The following SLC25A36 variants were observed in gnomAD, a reference collection of about 807,000 sequenced individuals.
The protein encoded by SLC25A36 is epididymis secretory sperm binding protein.
A neutral mutation model predicts 35.3 loss-of-function variants in SLC25A36; 24 were observed. That is an observed-to-expected ratio of 0.68 (90% CI 0.49 to 0.96). SLC25A36 has a LOEUF of 0.96. SLC25A36 is among the 40% of genes least tolerant of loss of function. The probability of loss-of-function intolerance (pLI) is 0.00; values close to 1 mark genes in which losing one functional copy is unlikely to be tolerated. For synonymous variants in SLC25A36, 141 were observed against 132.2 expected (o/e 1.07, Z -0.46); for missense variants, 294 against 381.1 (o/e 0.77, Z 1.90).
intron 1 of SLC25A36, among the ~76,000 whole-genome samples, chr3:140,948,342 T>A (rs1041425341): frequency 2.6e-5 from 4 of 152,076 alleles, no homozygotes; most frequent in Non-Finnish European, 5.9e-5. Context: ...TATTTCTTTT[T>A]TTTTTCTTTT....
intron 4 of SLC25A36, chr3:140,964,287 TATTA>T (rs1934706175): frequency 6.6e-6 from 1 of 151,976 alleles, no homozygotes. Flanking sequence ...TTTTTGTATT[TATTA>T]ATTGTCAGTT....
intron 5 of SLC25A36, among the ~76,000 whole-genome samples, chr3:140,972,424 G>A (rs1028020234): frequency 2.0e-5 from 3 of 151,976 alleles, no homozygotes; most frequent in African/African-American, 7.3e-5. Context: ...GCTTTGAGAG[G>A]CCAGGGCAGG....
At position 140,942,070 on chromosome 3, in the gene SLC25A36, A is replaced by G; in HGVS notation, c.16A>G (p.Thr6Ala). The part of the protein sequence containing the change: MSQRD[T>A]LVHLFAGGCG... ...GGGAGAGAGAATGAGCCAGAGGGAC[A>G]CGCTGGTGCATCTGTTTGCCGGAGG... The change falls in exon 1 of 7, where the codon ACG (threonine) becomes GCG (alanine). Residue 6 changes from threonine to alanine, a missense_variant. Physicochemically the swap from Thr to Ala is moderately conservative, Grantham distance 58 (BLOSUM62 0). Transcript: ENST00000324194. 25 of 1,489,662 alleles carry G rather than the reference A, an allele frequency of 1.7e-5. No homozygotes were observed. The highest frequency in any genetic ancestry group is 2.3e-5 in the Non-Finnish European group (25 of 1,107,250). The allele number at this position is 1,489,662 out of a possible 1,614,324, so 92.3% of individuals were successfully genotyped here. A position where few individuals can be genotyped will look rare whatever the true frequency, so the allele number is the denominator to read the frequency against.
At position 140,976,588 on chromosome 3, in the gene SLC25A36, G is replaced by T. The variant is rs1270880748; in HGVS notation, c.*135G>T. ...AACTATTCTAAGTGGAAGTTTTGTT[G>T]TAGGAATTATAGTAATCACACCACA... On this transcript the variant is annotated 3_prime_UTR_variant, in exon 7 of 7. Coordinates refer to ENST00000324194, the MANE Select transcript of SLC25A36 (RefSeq NM_001104647.3). 5.0e-6 allele frequency: 3 copies of T among 603,990 alleles called. No homozygotes were observed. The East Asian group carries it at 1.0e-4, about 20-fold the overall frequency. 37.4% of individuals were successfully genotyped at this position (603,990 alleles called of 1,614,324 possible).
chr3:140,954,649 GTGTT>G (rs1350531136), intron 1 of SLC25A36, among the ~76,000 whole-genome samples: 1 of 152,134 alleles, frequency 6.6e-6, no homozygotes, highest in Non-Finnish European at 1.5e-5. Flanking sequence ...AGAATTCTGT[GTGTT>G]TATTTGCGTC....
intron 4 of SLC25A36, 178 bp downstream of exon 4, chr3:140,963,405 T>C (rs1164650447): frequency 2.0e-6 from 1 of 501,226 alleles, no homozygotes; most frequent in African/African-American, 2.0e-5. Flanking sequence ...TCAGTTGACA[T>C]TTTTGTAGTC....
intron 4 of SLC25A36, among the ~76,000 whole-genome samples, chr3:140,970,089 A>G (rs1430203644): frequency 2.6e-5 from 4 of 151,976 alleles, no homozygotes; most frequent in Non-Finnish European, 4.4e-5. Flanking sequence ...CAAGTAAAAC[A>G]TATGCACTAT....
intron 1 of SLC25A36, among the ~76,000 whole-genome samples, chr3:140,955,702 T>TTG (rs1434186605): frequency 6.6e-6 from 1 of 152,112 alleles, no homozygotes; most frequent in East Asian, 1.9e-4. Flanking sequence ...CCAATTTTTT[T>TTG]TCTTTTTTGA....
chr3:140,951,493 A>C (rs1319703695), intron 1 of SLC25A36, among the ~76,000 whole-genome samples: 2 of 151,918 alleles, frequency 1.3e-5, no homozygotes, highest in Admixed American at 1.3e-4. Flanking sequence ...TTATTTATTT[A>C]TTTTTTGAGA....
intron 3 of SLC25A36, among the ~76,000 whole-genome samples, chr3:140,961,855 CAAAAAAAAAAAAAAAAAA>C (rs553759457): frequency 8.4e-5 from 3 of 35,840 alleles, no homozygotes; most frequent in Middle Eastern, 0.022. Context: ...GGCTCCGTCT[CAAAAAAAAAAAAAAAAAA>C]AAAAAAAAAA....
At chr3:140,955,871 A>T (rs1167048368) in intron 1 of SLC25A36, among the ~76,000 whole-genome samples, 2 of 151,852 alleles carry the variant, frequency 1.3e-5, no homozygotes, top group Admixed American at 1.3e-4. Flanking sequence ...TTTTAAACAA[A>T]TTTTTTGTAA....
In SLC25A36 at chr3:140,977,049, CTT is replaced by C. The variant is rs1935066881; in HGVS notation, c.*597_*598del. The C allele has an allele frequency of 6.6e-6, 1 of 152,114 alleles. No homozygotes were observed. The highest frequency in any genetic ancestry group is 1.5e-5 in the Non-Finnish European group (1 of 68,028). 9.4% of individuals were successfully genotyped at this position (152,114 alleles called of 1,614,324 possible). A position where few individuals can be genotyped will look rare whatever the true frequency, so the allele number is the denominator to read the frequency against. On this transcript the variant is annotated 3_prime_UTR_variant, in exon 7 of 7. Transcript: ENST00000324194. ...TTTTGGTTTCCACTGCTGACAGGTG[CTT>C]GTTGTTTAGCCTAATGTGGATATTT...
rs1055897781 is a variant in SLC25A36, at chr3:140,960,418, C to T, written c.284+878C>T. On this transcript the variant is annotated intron_variant, in intron 3 of 6. Coordinates refer to ENST00000324194, the MANE Select transcript of SLC25A36 (RefSeq NM_001104647.3). ...TGCTTTTCATAGCTGTCCTGCTGTG[C>T]GCTCCACCTGAAGTTAGTGTTCCTT... 9.9e-5 allele frequency among the ~76,000 whole-genome samples: 15 copies of T among 152,220 alleles called. No homozygotes were observed. In the South Asian group the frequency reaches 1.0e-3, roughly 11 times the overall value.
chr3:140,948,635 T>C (rs1559809917), intron 1 of SLC25A36, among the ~76,000 whole-genome samples: 2 of 152,252 alleles, frequency 1.3e-5, no homozygotes, highest in Non-Finnish European at 2.9e-5. Flanking sequence ...TTAAATAATA[T>C]GCACATACAA....
Position 140,959,450 on chromosome 3 carries a change from TTC to T in SLC25A36, c.207-7_207-6del. ...AAAGATATTTCTGATAGAATTTTTT[TTC>T]TCTCTTTCAGGGTGATCTTGGAAAA... is the stretch of plus-strand genomic sequence containing the variant. On this transcript the variant is annotated splice_polypyrimidine_tract_variant and intron_variant, in intron 2 of 6. Transcript: ENST00000324194. The T allele has an allele frequency of 6.9e-7, 1 of 1,446,356 alleles. No individual in the cohort carries two copies. Among genetic ancestry groups the T allele is most frequent in the South Asian group, 1.4e-5 (1 of 69,790 alleles). The allele number at this position is 1,446,356 out of a possible 1,614,324, so 89.6% of individuals were successfully genotyped here.
At position 140,941,882 on chromosome 3, in the gene SLC25A36, G is replaced by A; in HGVS notation, c.-173G>A. On this transcript the variant is annotated 5_prime_UTR_variant, in exon 1 of 7. Transcript: ENST00000324194. Reference sequence around the variant, plus strand: ...CGCTTAGGCAGGCGGTGGCGCGGCTGGAGTGCCGCGGGGAGGGCTGTGCCG... The same window carrying A: ...CGCTTAGGCAGGCGGTGGCGCGGCTAGAGTGCCGCGGGGAGGGCTGTGCCG... The A allele has an allele frequency of 2.0e-6, 1 of 508,416 alleles. No homozygotes were observed. Among genetic ancestry groups the A allele is most frequent in the South Asian group, 2.7e-5 (1 of 36,846 alleles). The allele number at this position is 508,416 out of a possible 1,614,324, so 31.5% of individuals were successfully genotyped here. A position where few individuals can be genotyped will look rare whatever the true frequency, so the allele number is the denominator to read the frequency against.
Position 140,972,374 on chromosome 3 carries a change from C to A in SLC25A36, c.453-1342C>A, listed in dbSNP as rs542958103. On this transcript the variant is annotated intron_variant, in intron 5 of 6. Transcript: ENST00000324194. ...GACTTGAGGATTCTGGTTTATAAGG[C>A]TGAGGGCTGAGCGCAGTGGATCATG... 8.2e-3 allele frequency among the ~76,000 whole-genome samples: 1,242 copies of A among 152,076 alleles called. 14 individuals carry two copies. The highest frequency in any genetic ancestry group is 0.021 in the African/African-American group (851 of 41,478).
At chr3:140,963,365 A>C in intron 4 of SLC25A36, 138 bp downstream of exon 4, 1 of 597,496 alleles carries the variant, frequency 1.7e-6, no homozygotes, top group Non-Finnish European at 2.8e-6. Flanking sequence ...TATCGATATA[A>C]ACCAAATTAG....
chr3:140,953,714 T>G (rs1247287199), intron 1 of SLC25A36, among the ~76,000 whole-genome samples: 1 of 152,194 alleles, frequency 6.6e-6, no homozygotes, highest in Non-Finnish European at 1.5e-5. Context: ...CCCCGTACTT[T>G]GGAAGCCTGA....
Sources: gnomAD v4.1 joint callset for allele counts (sites outside exome capture counted in the v4.1 genomes callset) on GRCh38, gnomAD v4.1.1 for gene constraint, MANE v1.5 for transcripts, NCBI Gene and HGNC (gene_info 2026-07-23, HGNC 2026-07-21) for gene names.